Variants in CAMK4 observed in about 807,000 individuals in gnomAD.
CAMK4 encodes the protein calcium/calmodulin dependent protein kinase IV, also known as calcium/calmodulin-dependent protein kinase type IV.
A neutral mutation model predicts 44.9 loss-of-function variants in CAMK4; 22 were observed. The observed-to-expected ratio is 0.49, with a 90% confidence interval of 0.35 to 0.70. The LOEUF is 0.70. CAMK4 is among the 30% of genes least tolerant of loss of function. The pLI, the probability that CAMK4 is intolerant of heterozygous loss-of-function variation, is 0.01. For missense variants in CAMK4, 498 were observed against 586.8 expected (o/e 0.85, Z 1.56); for synonymous variants, 218 against 215.4 (o/e 1.01, Z -0.11).
intron 4 of CAMK4, among the ~76,000 whole-genome samples, chr5:111,386,326 T>C (rs1348814488): frequency 6.6e-6 from 1 of 152,226 alleles, no homozygotes; most frequent in Non-Finnish European, 1.5e-5. Context: ...TTTGGGGCTT[T>C]TACTCTCTGT....
Position 111,484,366 on chromosome 5 carries a change from T to A in CAMK4, c.1322T>A (p.Leu441Gln). ...ELEEGLAEEK[L>Q]KTVEEAAAPR... ...GAGGAGGGCCTAGCAGAGGAGAAGCTGAAGACTGTGGAGGAGGCAGCAGCT... is the reference window on the plus strand; with the variant it reads ...GAGGAGGGCCTAGCAGAGGAGAAGCAGAAGACTGTGGAGGAGGCAGCAGCT... Residue 441 changes from leucine (L) to glutamine (Q), a missense_variant, in exon 11 of 11, where the codon CTG (leucine) becomes CAG (glutamine). Transcript: ENST00000282356. The surrounding 1 kb of genome is among the most constrained non-coding windows in gnomAD (Gnocchi z 5.3). 6.2e-7 allele frequency: 1 copy of A among 1,609,138 alleles called. No homozygotes were observed. The highest frequency in any genetic ancestry group is 1.7e-5 in the Admixed American group (1 of 59,158).
intron 1 of CAMK4, among the ~76,000 whole-genome samples, chr5:111,335,967 T>G (rs1644502): frequency 0.36 from 55,045 of 150,936 alleles, 10,763 homozygotes; most frequent in South Asian, 0.52. Flanking sequence ...AATTTTTAAA[T>G]AAACAACTAA....
intron 1 of CAMK4, among the ~76,000 whole-genome samples, chr5:111,326,489 T>G (rs1177171761): frequency 6.6e-6 from 1 of 151,876 alleles, no homozygotes; most frequent in Admixed American, 6.6e-5. Context: ...AGCCCAGATA[T>G]TTTCACTGTT....
At chr5:111,367,343 T>C (rs907360975) in intron 2 of CAMK4, among the ~76,000 whole-genome samples, 1 of 151,780 alleles carries the variant, frequency 6.6e-6, no homozygotes, top group Non-Finnish European at 1.5e-5. Context: ...AAATCACTCA[T>C]GAGAGCACAT....
At chr5:111,438,590 G>A (rs985449145) in intron 5 of CAMK4, among the ~76,000 whole-genome samples, 1 of 152,032 alleles carries the variant, frequency 6.6e-6, no homozygotes, top group Non-Finnish European at 1.5e-5. Context: ...TTACATTCAT[G>A]TATACTCCTT....
intron 5 of CAMK4, among the ~76,000 whole-genome samples, chr5:111,419,313 G>GT (rs1320381678): frequency 6.6e-6 from 1 of 152,026 alleles, no homozygotes; most frequent in East Asian, 1.9e-4. Flanking sequence ...TTGTAAATTT[G>GT]TTTGAGTTCA....
At position 111,484,688 on chromosome 5, in the gene CAMK4, G is replaced by A. The variant is rs1022689803; in HGVS notation, c.*222G>A. On this transcript the variant is annotated 3_prime_UTR_variant, in exon 11 of 11. Coordinates refer to ENST00000282356, the MANE Select transcript of CAMK4 (RefSeq NM_001744.6). This position sits in a 1 kb window ranked among gnomAD's most constrained non-coding sequence, Gnocchi z 5.3. Reference sequence around the variant, plus strand: ...TGTAATGGATACCTAATACCGATGAGTTAAATCTTGCAAGTTAACACAACG... The same window carrying A: ...TGTAATGGATACCTAATACCGATGAATTAAATCTTGCAAGTTAACACAACG... 1 of 371,624 alleles carries A rather than the reference G, an allele frequency of 2.7e-6. No homozygotes were observed. The highest frequency in any genetic ancestry group is 4.6e-5 in the Admixed American group (1 of 21,960). 23.0% of individuals were successfully genotyped at this position (371,624 alleles called of 1,614,324 possible).
At chr5:111,337,612 A>G (rs73788806) in intron 1 of CAMK4, among the ~76,000 whole-genome samples, 6,465 of 150,932 alleles carry the variant, frequency 0.043, 474 homozygotes, top group African/African-American at 0.15. Flanking sequence ...AATAATTGCA[A>G]TTTGGGGTGT....
chr5:111,347,048 T>C (rs1200603371), intron 2 of CAMK4, among the ~76,000 whole-genome samples: 1 of 151,972 alleles, frequency 6.6e-6, no homozygotes, highest in East Asian at 1.9e-4. Flanking sequence ...GGTTATGCAT[T>C]GGTTTGGCCC....
chr5:111,425,644 C>CA (rs1349750368), intron 5 of CAMK4, among the ~76,000 whole-genome samples: 1 of 152,142 alleles, frequency 6.6e-6, no homozygotes, highest in Non-Finnish European at 1.5e-5. Flanking sequence ...TTTGTTATGA[C>CA]AAGTATAACC....
In CAMK4 at chr5:111,290,662, C is replaced by T. The variant is rs1747204240; in HGVS notation, c.162-53362C>T. Among the ~76,000 whole-genome samples, 1 of 152,132 alleles carries T rather than the reference C, an allele frequency of 6.6e-6. No individual in the cohort carries two copies. The highest frequency in any genetic ancestry group is 2.4e-5 in the African/African-American group (1 of 41,420). ...GCACTAAAAGGCGCTAGTGTTTCCA[C>T]TGGTGTTTCCACATTTGTGAGTTGC... On this transcript the variant is annotated intron_variant, in intron 1 of 10. Transcript: ENST00000282356. This position sits in a 1 kb window ranked among gnomAD's most constrained non-coding sequence, Gnocchi z 4.5.
At chr5:111,390,934 A>G (rs2112854012) in intron 4 of CAMK4, among the ~76,000 whole-genome samples, 1 of 152,298 alleles carries the variant, frequency 6.6e-6, no homozygotes, top group East Asian at 1.9e-4. Flanking sequence ...GAGACCCCAA[A>G]GCAGGCAAAC....
intron 5 of CAMK4, among the ~76,000 whole-genome samples, chr5:111,434,291 CAAAA>C (rs34360413): frequency 4.5e-5 from 6 of 131,964 alleles, no homozygotes; most frequent in Non-Finnish European, 3.2e-5. Context: ...GACTCTGTCT[CAAAA>C]AAAAAAAAAA....
intron 9 of CAMK4, among the ~76,000 whole-genome samples, chr5:111,479,192 A>G (rs138253115): frequency 1.3e-5 from 2 of 152,314 alleles, no homozygotes; most frequent in East Asian, 1.9e-4. Context: ...ATATACTTCA[A>G]GTAAAACAAT....
chr5:111,420,329 G>A (rs913473680), intron 5 of CAMK4, among the ~76,000 whole-genome samples: 2 of 152,102 alleles, frequency 1.3e-5, no homozygotes, highest in Admixed American at 1.3e-4. Context: ...TCAGCTTAAG[G>A]AGATTTTGGG....
At chr5:111,366,868 G>A (rs976001520) in intron 2 of CAMK4, among the ~76,000 whole-genome samples, 1 of 151,582 alleles carries the variant, frequency 6.6e-6, no homozygotes. Context: ...ATTTTTTTCT[G>A]TGTATAAGCT....
intron 1 of CAMK4, among the ~76,000 whole-genome samples, chr5:111,333,690 T>C (rs1749274861): frequency 6.6e-6 from 1 of 151,632 alleles, no homozygotes; most frequent in South Asian, 2.1e-4. Flanking sequence ...AAGTCACAAC[T>C]GGATGCTGTT....
chr5:111,365,903 C>G (rs1750777834), intron 2 of CAMK4, among the ~76,000 whole-genome samples: 1 of 152,068 alleles, frequency 6.6e-6, no homozygotes. Context: ...TTGGGGTGTT[C>G]AAACAGAAGT....
At chr5:111,436,771 C>T (rs1277605579) in intron 5 of CAMK4, among the ~76,000 whole-genome samples, 3 of 152,190 alleles carry the variant, frequency 2.0e-5, no homozygotes, top group Non-Finnish European at 2.9e-5. Flanking sequence ...CGCTTTAATA[C>T]ACTGACCAGT....
Sources: gnomAD v4.1 joint callset for allele counts (sites outside exome capture counted in the v4.1 genomes callset) on GRCh38, gnomAD v4.1.1 for gene constraint, Gnocchi (gnomAD v3.1) non-coding constraint, MANE v1.5 for transcripts, NCBI Gene and HGNC (gene_info 2026-07-23, HGNC 2026-07-21) for gene names.